Variants in SEPTIN11 observed in about 807,000 individuals in gnomAD.
SEPTIN11 encodes the protein septin 11.
Under a neutral mutation model 51.4 loss-of-function variants are expected in SEPTIN11, and 25 were observed. That is an observed-to-expected ratio of 0.49 (90% CI 0.35 to 0.68). The LOEUF is 0.68. Among genes scored for constraint, SEPTIN11 ranks in the 30% least tolerant of loss-of-function variants. SEPTIN11 has a pLI of 0.00. For missense variants in SEPTIN11, 381 were observed against 520.8 expected (o/e 0.73, Z 2.61); for synonymous variants, 174 against 184.1 (o/e 0.95, Z 0.44).
chr4:77,018,695 T>C (rs1015804079), intron 5 of SEPTIN11, among the ~76,000 whole-genome samples: 4 of 114,214 alleles, frequency 3.5e-5, no homozygotes, highest in South Asian at 3.0e-4. Flanking sequence ...TACCTTGCCA[T>C]CTACCTTGGT....
At chr4:77,030,631 G>A (rs1429743799) in intron 8 of SEPTIN11, 152 bp from the exon 9 acceptor site, 15 of 613,110 alleles carry the variant, frequency 2.4e-5, no homozygotes, top group Admixed American at 3.5e-5. Flanking sequence ...TCCTGACCTC[G>A]TGATCCACCC....
In SEPTIN11 at chr4:77,020,502, T is replaced by G; in HGVS notation, c.785T>G (p.Val262Gly). 1 of 1,613,756 alleles carries G rather than the reference T, an allele frequency of 6.2e-7. No individual in the cohort carries two copies. The highest frequency in any genetic ancestry group is 8.5e-7 in the Non-Finnish European group (1 of 1,179,840). Residue 262 changes from valine (V) to glycine (G), a missense_variant and splice_region_variant, in exon 7 of 10, where the codon GTT becomes GGT. Transcript: ENST00000264893. ...ARQYPWGVVQ[V>G]ENENHCDFVK... The stretch of plus-strand genomic sequence containing the variant: ...CCGCCATTTCCCCCCTCTCTTGTAG[T>G]TGAGAATGAAAATCATTGCGATTTT...
intron 1 of SEPTIN11, among the ~76,000 whole-genome samples, chr4:76,961,185 C>A (rs1721812643): frequency 6.6e-6 from 1 of 152,146 alleles, no homozygotes; most frequent in African/African-American, 2.4e-5. Context: ...AATAATAAGG[C>A]CCATTTTATT....
In SEPTIN11 at chr4:77,038,409, G is replaced by A; in HGVS notation, c.*3897G>A. 3.0e-6 allele frequency: 3 copies of A among 985,666 alleles called. No individual in the cohort carries two copies. Among genetic ancestry groups the A allele is most frequent in the Non-Finnish European group, 3.6e-6 (3 of 829,792 alleles). The allele number at this position is 985,666 out of a possible 1,614,324, so 61.1% of individuals were successfully genotyped here. A position where few individuals can be genotyped will look rare whatever the true frequency, so the allele number is the denominator to read the frequency against. The stretch of plus-strand genomic sequence containing the variant: ...TGCAGAATTGTCATATATGTAAGCT[G>A]CATGTTAGACATTTGTCTTTTTTAA... On this transcript the variant is annotated 3_prime_UTR_variant, in exon 10 of 10. Transcript: ENST00000264893.
At chr4:76,957,198 A>G (rs1013972208) in intron 1 of SEPTIN11, among the ~76,000 whole-genome samples, 2 of 151,936 alleles carry the variant, frequency 1.3e-5, no homozygotes, top group African/African-American at 4.8e-5. Context: ...TCTCTGGGAA[A>G]TGGTTCTGAG....
At chr4:76,996,228 A>G (rs1337661901) in intron 1 of SEPTIN11, among the ~76,000 whole-genome samples, 197 bp from the exon 2 acceptor site, 1 of 152,104 alleles carries the variant, frequency 6.6e-6, no homozygotes, top group African/African-American at 2.4e-5. Context: ...GCTTTGGGAG[A>G]CTGTGACTTT....
At chr4:77,011,980 GCC>G in intron 4 of SEPTIN11, 59 bp downstream of exon 4, 1 of 1,446,286 alleles carries the variant, frequency 6.9e-7, no homozygotes, top group Non-Finnish European at 9.6e-7. Flanking sequence ...TTATCCTAAT[GCC>G]CTAATTTGTT....
At chr4:77,027,037 G>T (rs994483728) in intron 7 of SEPTIN11, among the ~76,000 whole-genome samples, 4 of 152,188 alleles carry the variant, frequency 2.6e-5, no homozygotes, top group Admixed American at 2.6e-4. Context: ...ACACTTGATT[G>T]TTCATAAACA....
chr4:76,973,601 T>C (rs1455000456), intron 1 of SEPTIN11, among the ~76,000 whole-genome samples: 1 of 152,240 alleles, frequency 6.6e-6, no homozygotes, highest in African/African-American at 2.4e-5. Flanking sequence ...CTACTACTTT[T>C]TGTATGACAC....
At position 77,024,625 on chromosome 4, in the gene SEPTIN11, C is replaced by T. The variant is rs990354518; in HGVS notation, c.953+3955C>T. ...TTGCTTCACCCCCGTTCAACTCACA[C>T]GAAGCACTCAGTTACCACCATTTTC... On this transcript the variant is annotated intron_variant, in intron 7 of 9. Coordinates refer to ENST00000264893, the MANE Select transcript of SEPTIN11 (RefSeq NM_018243.4). The surrounding 1 kb of genome is among the most constrained non-coding windows in gnomAD (Gnocchi z 4.2). Among the ~76,000 whole-genome samples the T allele has an allele frequency of 2.0e-5, 3 of 152,202 alleles. No individual in the cohort carries two copies. Among genetic ancestry groups the T allele is most frequent in the Admixed American group, 6.5e-5 (1 of 15,278 alleles).
chr4:77,023,304 T>A (rs886393835), intron 7 of SEPTIN11, among the ~76,000 whole-genome samples: 1 of 116,760 alleles, frequency 8.6e-6, no homozygotes, highest in Admixed American at 9.2e-5. Flanking sequence ...ACACACACAA[T>A]ATATATATAA....
chr4:76,958,902 CA>C, intron 1 of SEPTIN11: 2 of 1,475,252 alleles, frequency 1.4e-6, no homozygotes, highest in Non-Finnish European at 1.9e-6. Flanking sequence ...TTATTGGCCC[CA>C]GAAAATTCAC....
chr4:77,017,134 A>G (rs1725363942), intron 5 of SEPTIN11, among the ~76,000 whole-genome samples: 1 of 152,142 alleles, frequency 6.6e-6, no homozygotes, highest in Non-Finnish European at 1.5e-5. Flanking sequence ...ATCATGAATG[A>G]CTGCTATGTA....
chr4:76,960,481 ATAAT>A (rs968476407), intron 1 of SEPTIN11, among the ~76,000 whole-genome samples: 1 of 152,176 alleles, frequency 6.6e-6, no homozygotes, highest in Admixed American at 6.5e-5. Flanking sequence ...AAAATCACTA[ATAAT>A]TAATTTGCTG....
downstream of SEPTIN11, chr4:77,039,627 T>A: frequency 1.0e-6 from 1 of 980,248 alleles, no homozygotes; most frequent in Non-Finnish European, 1.2e-6. Flanking sequence ...TTTTATGGGT[T>A]GTTTTGGTGT....
intron 1 of SEPTIN11, among the ~76,000 whole-genome samples, chr4:76,992,631 A>T (rs751330600): frequency 1.3e-5 from 2 of 152,222 alleles, no homozygotes; most frequent in Non-Finnish European, 2.9e-5. Context: ...GAAGGGATAA[A>T]TGTTAGCTGT....
intron 1 of SEPTIN11, among the ~76,000 whole-genome samples, chr4:76,985,760 A>AT (rs1722994571): frequency 6.6e-6 from 1 of 152,238 alleles, no homozygotes; most frequent in African/African-American, 2.4e-5. Context: ...TGGCCCATGC[A>AT]TAAAGAACAC....
intron 1 of SEPTIN11, among the ~76,000 whole-genome samples, chr4:76,988,880 C>CATTT (rs1723189648): frequency 6.6e-6 from 1 of 152,142 alleles, no homozygotes; most frequent in African/African-American, 2.4e-5. Flanking sequence ...CACAGATTTC[C>CATTT]ATTTGGTTTG....
intron 7 of SEPTIN11, among the ~76,000 whole-genome samples, chr4:77,025,998 G>T (rs564544746): frequency 6.6e-6 from 1 of 152,268 alleles, no homozygotes; most frequent in African/African-American, 2.4e-5. Flanking sequence ...TTGGACTGCA[G>T]GTTTCACTAT....
Sources: gnomAD v4.1 joint callset for allele counts (sites outside exome capture counted in the v4.1 genomes callset) on GRCh38, gnomAD v4.1.1 for gene constraint, Gnocchi (gnomAD v3.1) non-coding constraint, MANE v1.5 for transcripts, NCBI Gene and HGNC (gene_info 2026-07-23, HGNC 2026-07-21) for gene names.